SP4: variants seen among roughly 807,000 people sequenced by gnomAD.
SP4 encodes the protein transcription factor Sp4.
Under a neutral mutation model 72.8 loss-of-function variants are expected in SP4, and 19 were observed. That is an observed-to-expected ratio of 0.26 (90% CI 0.18 to 0.38). The LOEUF (loss-of-function observed/expected upper bound fraction) is 0.38. Among genes scored for constraint, SP4 ranks in the 10% least tolerant of loss-of-function variants. The pLI is 1.00. For missense variants in SP4, 1,008 were observed against 926.3 expected (o/e 1.09, Z -1.14); for synonymous variants, 395 against 333.1 (o/e 1.19, Z -2.02).
rs113867572 is a variant in SP4 at position 21,452,885 on chromosome 7, C to T, written c.1678+22042C>T. Among the ~76,000 whole-genome samples, 78 of 151,656 alleles carry T rather than the reference C, an allele frequency of 5.1e-4. 2 individuals are homozygous for T. The highest frequency in any genetic ancestry group is 1.4e-3 in the African/African-American group (59 of 41,340). ...GCAGTCTCCACCTCCGAGGTTCAAG[C>T]GATTCTCCTGCCTCAGCCTCCTTAG... On this transcript the variant is annotated intron_variant, in intron 3 of 5. Coordinates refer to ENST00000222584, the MANE Select transcript of SP4 (RefSeq NM_003112.5).
At position 21,481,747 on chromosome 7, in the gene SP4, G is replaced by C. The variant is rs922855983; in HGVS notation, c.1908-177G>C. On this transcript the variant is annotated intron_variant, in intron 4 of 5. Transcript: ENST00000222584. ...CATTTTCATAGCAATTTGGTACACAGACCTGTTTTATTTTGTCTTTAACTG... is the reference window on the plus strand; with the variant it reads ...CATTTTCATAGCAATTTGGTACACACACCTGTTTTATTTTGTCTTTAACTG... Among the ~76,000 whole-genome samples the C allele has an allele frequency of 3.3e-5, 5 of 152,280 alleles. No homozygotes were observed. In the East Asian group the frequency reaches 9.6e-4, roughly 29 times the overall value.
intron 3 of SP4, among the ~76,000 whole-genome samples, chr7:21,475,381 T>G (rs1254484752): frequency 6.6e-6 from 1 of 152,088 alleles, no homozygotes; most frequent in Non-Finnish European, 1.5e-5. Flanking sequence ...CCAAAAGTGC[T>G]GGGATTACAG....
chr7:21,460,559 G>C (rs879856681), intron 3 of SP4, among the ~76,000 whole-genome samples: 1 of 152,182 alleles, frequency 6.6e-6, no homozygotes, highest in African/African-American at 2.4e-5. Flanking sequence ...ACCCGAGCGG[G>C]TTGCCACTGC....
chr7:21,428,203 C>CCCCCCACAA lies in SP4; in HGVS notation c.-49_-48insCCCCCACAA. ...CTCCCGCCTCGCCCCCACCCCCACC[C>CCCCCCACAA]ACCTCTATCCCAGTGTCTCCGTCTG... On this transcript the variant is annotated 5_prime_UTR_variant, in exon 1 of 6. Coordinates refer to ENST00000222584, the MANE Select transcript of SP4 (RefSeq NM_003112.5). The CCCCCCACAA allele has an allele frequency of 2.5e-6, 3 of 1,216,712 alleles. No homozygotes were observed. The highest frequency in any genetic ancestry group is 3.5e-6 in the Non-Finnish European group (3 of 854,964). 75.4% of individuals were successfully genotyped at this position (1,216,712 alleles called of 1,614,324 possible). A position where few individuals can be genotyped will look rare whatever the true frequency, so the allele number is the denominator to read the frequency against.
chr7:21,499,621 G>C (rs933689404), intron 5 of SP4, among the ~76,000 whole-genome samples: 2 of 152,116 alleles, frequency 1.3e-5, no homozygotes, highest in African/African-American at 4.8e-5. Flanking sequence ...TGGACTTCTG[G>C]CCTCCAGAAC....
intron 5 of SP4, among the ~76,000 whole-genome samples, chr7:21,490,025 G>A (rs187685726): frequency 1.0e-3 from 156 of 152,292 alleles, no homozygotes; most frequent in African/African-American, 3.4e-3. Context: ...TCCACTGTTG[G>A]CCAGAATGGA....
chr7:21,451,334 T>C (rs1174147570), intron 3 of SP4, among the ~76,000 whole-genome samples: 1 of 152,188 alleles, frequency 6.6e-6, no homozygotes, highest in Non-Finnish European at 1.5e-5. Context: ...GACCAATTAC[T>C]ATATTAGAGC....
At chr7:21,473,817 C>G (rs1193968936) in intron 3 of SP4, among the ~76,000 whole-genome samples, 2 of 152,134 alleles carry the variant, frequency 1.3e-5, no homozygotes, top group Non-Finnish European at 2.9e-5. Flanking sequence ...GCCAGTATAT[C>G]AGGTGCAGAG....
At chr7:21,470,747 T>TG (rs200719457) in intron 3 of SP4, among the ~76,000 whole-genome samples, 1,985 of 108,180 alleles carry the variant, frequency 0.018, 42 homozygotes, top group East Asian at 0.15. Context: ...TTTCTATATT[T>TG]GGAAAAAAAA....
intron 3 of SP4, among the ~76,000 whole-genome samples, chr7:21,444,633 T>G (rs1034015116): frequency 2.6e-5 from 4 of 152,244 alleles, no homozygotes; most frequent in African/African-American, 9.6e-5. Context: ...GTTTATTGTT[T>G]GTCTCTTATA....
intron 3 of SP4, among the ~76,000 whole-genome samples, chr7:21,450,065 T>C (rs950810655): frequency 6.6e-6 from 1 of 152,112 alleles, no homozygotes; most frequent in Admixed American, 6.5e-5. Flanking sequence ...TTATTTTATG[T>C]CCCACATCTA....
At chr7:21,467,493 T>C (rs1212082604) in intron 3 of SP4, among the ~76,000 whole-genome samples, 1 of 152,120 alleles carries the variant, frequency 6.6e-6, no homozygotes, top group Non-Finnish European at 1.5e-5. Flanking sequence ...AAGAAACCCT[T>C]ATTAGCAGTC....
At chr7:21,489,974 T>C (rs1784929752) in intron 5 of SP4, among the ~76,000 whole-genome samples, 1 of 152,188 alleles carries the variant, frequency 6.6e-6, no homozygotes, top group Non-Finnish European at 1.5e-5. Flanking sequence ...ATATAAATGT[T>C]TTAATTAGTA....
At chr7:21,479,261 G>GTT (rs1462271661) in intron 4 of SP4, among the ~76,000 whole-genome samples, 2 of 136,382 alleles carry the variant, frequency 1.5e-5, no homozygotes, top group East Asian at 7.1e-4. Context: ...AAGATTCCTA[G>GTT]TTGTTTTTTT....
intron 5 of SP4, among the ~76,000 whole-genome samples, chr7:21,488,810 C>G (rs1413762418): frequency 6.6e-6 from 1 of 151,840 alleles, no homozygotes; most frequent in South Asian, 2.1e-4. Context: ...AATGATACAA[C>G]TAAATGGATA....
intron 5 of SP4, among the ~76,000 whole-genome samples, chr7:21,510,107 C>G (rs905905128): frequency 6.6e-6 from 1 of 152,174 alleles, no homozygotes; most frequent in African/African-American, 2.4e-5. Context: ...CACTGGGTCC[C>G]TCCCACAACA....
In SP4 at chr7:21,429,565, A is replaced by C. The variant is rs372538977; in HGVS notation, c.400A>C (p.Ser134Arg). 1.9e-5 allele frequency: 30 copies of C among 1,614,178 alleles called. No individual in the cohort carries two copies. The highest frequency in any genetic ancestry group is 2.5e-5 in the Non-Finnish European group (30 of 1,179,990). The change falls in exon 3 of 6, where the codon AGT becomes CGT. Residue 134 changes from serine (S) to arginine (R), a missense_variant. Coordinates refer to ENST00000222584, the MANE Select transcript of SP4 (RefSeq NM_003112.5). ...SSSSSSSNNGSASPTKTKSGN... is the reference protein window; with the variant it reads ...SSSSSSSNNGRASPTKTKSGN... Reference sequence around the variant, plus strand: ...TAGTTCTTCCAGCAGTAATAACGGGAGTGCATCTCCTACAAAAACTAAATC... The same window carrying C: ...TAGTTCTTCCAGCAGTAATAACGGGCGTGCATCTCCTACAAAAACTAAATC...
chr7:21,458,115 C>G (rs768465709), intron 3 of SP4, among the ~76,000 whole-genome samples: 1 of 151,864 alleles, frequency 6.6e-6, no homozygotes, highest in Non-Finnish European at 1.5e-5. Context: ...AAGTTCATTT[C>G]TTGTCTGACC....
At chr7:21,498,099 C>T (rs917535287) in intron 5 of SP4, among the ~76,000 whole-genome samples, 1 of 152,140 alleles carries the variant, frequency 6.6e-6, no homozygotes, top group Non-Finnish European at 1.5e-5. Context: ...TATCATCTTT[C>T]CCCCCTTATT....
Sources: allele counts gnomAD v4.1 joint callset (sites outside exome capture counted in the v4.1 genomes callset), GRCh38; gene constraint gnomAD v4.1.1; transcripts MANE v1.5; gene names NCBI Gene and HGNC (gene_info 2026-07-23, HGNC 2026-07-21).